The following PLAUR variants were observed in gnomAD, a reference collection of about 807,000 sequenced individuals.
PLAUR encodes the protein urokinase plasminogen activator surface receptor.
A neutral mutation model predicts 33.4 loss-of-function variants in PLAUR; 22 were observed. The observed-to-expected ratio is 0.66, with a 90% CI of 0.47 to 0.94. The LOEUF is 0.94. Ranked by LOEUF, PLAUR falls within the 40% of genes least tolerant of loss-of-function variation. The probability of loss-of-function intolerance (pLI) is 0.00; values close to 1 mark genes in which losing one functional copy is unlikely to be tolerated. For missense variants in PLAUR, 408 were observed against 434.7 expected (o/e 0.94, Z 0.55); for synonymous variants, 148 against 167.3 (o/e 0.88, Z 0.89).
At chr19:43,651,343 C>T (rs1973985914) in intron 6 of PLAUR, among the ~76,000 whole-genome samples, 1 of 152,060 alleles carries the variant, frequency 6.6e-6, no homozygotes, top group African/African-American at 2.4e-5. Context: ...TCCCAAAGTG[C>T]TAGGATTACA....
chr19:43,655,356 G>T, intron 5 of PLAUR, 83 bp downstream of exon 5: 3 of 1,364,542 alleles, frequency 2.2e-6, no homozygotes, highest in African/African-American at 1.5e-5. Context: ...GGACTTGATT[G>T]CCAGAGAGTG....
At chr19:43,666,529 C>T (rs1325251619) in intron 2 of PLAUR, among the ~76,000 whole-genome samples, 1 of 150,568 alleles carries the variant, frequency 6.6e-6, no homozygotes, top group Non-Finnish European at 1.5e-5. Flanking sequence ...CCCTCCCTCC[C>T]TTCCTCTCTC....
chr19:43,650,634 A>AT (rs1973957962), intron 6 of PLAUR, among the ~76,000 whole-genome samples: 2 of 152,004 alleles, frequency 1.3e-5, no homozygotes, highest in Non-Finnish European at 2.9e-5. Context: ...CTATCATTAC[A>AT]TTTTTTCTTT....
chr19:43,654,607 A>C (rs1974127698), intron 5 of PLAUR, among the ~76,000 whole-genome samples: 1 of 151,832 alleles, frequency 6.6e-6, no homozygotes, highest in African/African-American at 2.4e-5. Context: ...GGTGGCATGC[A>C]CCTGTAGTCG....
intron 3 of PLAUR, among the ~76,000 whole-genome samples, chr19:43,662,756 C>T (rs1194070632): frequency 6.6e-6 from 1 of 151,792 alleles, no homozygotes; most frequent in Admixed American, 6.6e-5. Context: ...GCTCTGTCAC[C>T]CAGGCTGGGG....
chr19:43,653,574 G>A (rs756464784), intron 5 of PLAUR, among the ~76,000 whole-genome samples: 2 of 151,430 alleles, frequency 1.3e-5, no homozygotes, highest in African/African-American at 4.9e-5. Flanking sequence ...CAGGAGAATC[G>A]CTTGAACCTG....
At chr19:43,647,546 C>T (rs4251952), downstream of PLAUR, among the ~76,000 whole-genome samples, 7,320 of 152,244 alleles carry the variant, frequency 0.048, 200 homozygotes, top group Middle Eastern at 0.2. Context: ...GTGGCTCATG[C>T]CTGTAATCCT....
rs1282842810 is a variant in PLAUR at position 43,648,950 on chromosome 19, G to A, written c.948C>T (p.Ser316=). The A allele has an allele frequency of 6.2e-7, 1 of 1,614,154 alleles. No homozygotes were observed. The highest frequency in any genetic ancestry group is 1.7e-5 in the Admixed American group (1 of 60,026). Residue 316 remains serine, a synonymous_variant, in exon 7 of 7, where the codon AGC becomes AGT. Coordinates refer to ENST00000340093, the MANE Select transcript of PLAUR (RefSeq NM_002659.4). Reference sequence around the variant, plus strand: ...CAGTCATTAGCAGGGTGATGGTGAGGCTGAGATGGGCAGGGCCAGGCTGAG... The same window carrying A: ...CAGTCATTAGCAGGGTGATGGTGAGACTGAGATGGGCAGGGCCAGGCTGAG... ...AAPQPGPAHL[S]LTITLLMTAR... is the part of the protein sequence containing the mutation.
chr19:43,663,984 T>C (rs1188729563), intron 3 of PLAUR, among the ~76,000 whole-genome samples: 1 of 152,024 alleles, frequency 6.6e-6, no homozygotes, highest in Non-Finnish European at 1.5e-5. Context: ...TGACCCATCA[T>C]GGAAAGGGGC....
Position 43,656,499 on chromosome 19 carries a change from C to T in PLAUR, c.452G>A (p.Trp151Ter). 1 of 1,599,286 alleles carries T rather than the reference C, an allele frequency of 6.3e-7. No individual in the cohort carries two copies. Residue 151 changes from tryptophan (W) to a stop codon, truncating the protein, a stop_gained, in exon 4 of 7, where the codon TGG (tryptophan) becomes TAG (stop). Coordinates refer to ENST00000340093, the MANE Select transcript of PLAUR (RefSeq NM_002659.4). LOFTEE classifies it high-confidence loss of function. Reference protein sequence around the residue: ...EEQCLDVVTHWIQEGEEGRPK... With the variant: ...EEQCLDVVTH ...CTCACCTTCTTCACCTTCCTGGATCCAGTGGGTCACCACATCCAGGCACTG... is the reference window on the plus strand; with the variant it reads ...CTCACCTTCTTCACCTTCCTGGATCTAGTGGGTCACCACATCCAGGCACTG...
At chr19:43,650,107 G>C (rs1176739576) in intron 6 of PLAUR, among the ~76,000 whole-genome samples, 1 of 151,570 alleles carries the variant, frequency 6.6e-6, no homozygotes, top group East Asian at 1.9e-4. Flanking sequence ...TGCCTCCCGG[G>C]TTCAAGCAAT....
intron 3 of PLAUR, chr19:43,660,772 C>T (rs535466046): frequency 2.5e-4 from 38 of 151,794 alleles, no homozygotes; most frequent in African/African-American, 8.9e-4. Context: ...GCCACCATGC[C>T]TAGCTATCTT....
At position 43,652,256 on chromosome 19, in the gene PLAUR, C is replaced by T. The variant is rs1244114887; in HGVS notation, c.723G>A (p.Met241Ile). 2 of 1,614,122 alleles carry T rather than the reference C, an allele frequency of 1.2e-6. No individual in the cohort carries two copies. Among genetic ancestry groups the T allele is most frequent in the Admixed American group, 1.7e-5 (1 of 60,010 alleles). ...ETFLIDCRGPMNQCLVATGTH... is the reference protein window; with the variant it reads ...ETFLIDCRGPINQCLVATGTH... ...TGCCGGTGGCTACCAGACATTGATT[C>T]ATGGGGCCTCGGCAGTCAATGAGGA... The change falls in exon 6 of 7, where the codon ATG (methionine) becomes ATA (isoleucine). Residue 241 changes from methionine to isoleucine, a missense_variant. Coordinates refer to ENST00000340093, the MANE Select transcript of PLAUR (RefSeq NM_002659.4).
At chr19:43,666,941 A>G (rs1365318885) in intron 2 of PLAUR, among the ~76,000 whole-genome samples, 1 of 151,102 alleles carries the variant, frequency 6.6e-6, no homozygotes, top group Non-Finnish European at 1.5e-5. Context: ...CAGTAGCATG[A>G]TCTCAGCTCA....
chr19:43,663,054 C>T (rs1222380139), intron 3 of PLAUR, among the ~76,000 whole-genome samples: 1 of 152,002 alleles, frequency 6.6e-6, no homozygotes, highest in Non-Finnish European at 1.5e-5. Flanking sequence ...GCTGTTGCTT[C>T]CCCTAGGAAA....
chr19:43,669,067 G>C (rs1967406703), intron 1 of PLAUR, among the ~76,000 whole-genome samples: 1 of 152,156 alleles, frequency 6.6e-6, no homozygotes, highest in Non-Finnish European at 1.5e-5. Context: ...CCGGCCTCCC[G>C]CGGTCTCGAG....
At chr19:43,663,558 G>A (rs867664709) in intron 3 of PLAUR, among the ~76,000 whole-genome samples, 1 of 152,012 alleles carries the variant, frequency 6.6e-6, no homozygotes, top group African/African-American at 2.4e-5. Context: ...GAGGCGGGCA[G>A]ATCACCTGAG....
chr19:43,649,240 TCA>T, intron 6 of PLAUR, 97 bp from the exon 7 acceptor site: 3 of 1,345,892 alleles, frequency 2.2e-6, no homozygotes, highest in Non-Finnish European at 3.1e-6. Context: ...GGTGCCACCT[TCA>T]CTACCACCTA....
At chr19:43,665,052 G>C in intron 3 of PLAUR, 1 of 506,020 alleles carries the variant, frequency 2.0e-6, no homozygotes. Context: ...CTTGGAACAG[G>C]GCTGGGTTTG....
Sources: gnomAD v4.1 joint callset for allele counts (sites outside exome capture counted in the v4.1 genomes callset) on GRCh38, gnomAD v4.1.1 for gene constraint, MANE v1.5 for transcripts, NCBI Gene and HGNC (gene_info 2026-07-23, HGNC 2026-07-21) for gene names.